CACNG8: variants seen among roughly 807,000 people sequenced by gnomAD.
The protein encoded by CACNG8 is voltage-dependent calcium channel gamma-8 subunit.
Under a neutral mutation model 26.9 loss-of-function variants are expected in CACNG8, and 5 were observed. The observed-to-expected ratio is 0.19, with a 90% CI of 0.10 to 0.39. CACNG8 has a LOEUF of 0.39. CACNG8 is among the 10% of genes least tolerant of loss of function. CACNG8 has a pLI of 1.00. For missense variants in CACNG8, 473 were observed against 609.4 expected, an observed-to-expected ratio of 0.78 and a Z score of 2.36; for synonymous variants, 321 against 296.7, an observed-to-expected ratio of 1.08 and a Z score of -0.84.
chr19:53,963,316 G>T lies in CACNG8; in HGVS notation c.174G>T (p.Thr58=), dbSNP rs756488946. The change falls in exon 1 of 4, where the codon ACG becomes ACT. Residue 58 remains threonine, a synonymous_variant. Transcript: ENST00000270458. ...TCATCTGCAACACCACCAACCTCAC[G>T]GCCGGCGGCGACGACGGGACCCCCC... The T allele has an allele frequency of 1.2e-6, 2 of 1,603,116 alleles. No individual in the cohort carries two copies. The highest frequency in any genetic ancestry group is 2.3e-5 in the East Asian group (1 of 44,252).
intron 1 of CACNG8, among the ~76,000 whole-genome samples, chr19:53,968,258 C>A (rs2145933504): frequency 6.6e-6 from 1 of 151,818 alleles, no homozygotes; most frequent in South Asian, 2.1e-4. Context: ...GCCTGTGGTC[C>A]CAGCTACTCA....
At chr19:53,964,290 T>C (rs1228585298) in intron 1 of CACNG8, among the ~76,000 whole-genome samples, 1 of 150,926 alleles carries the variant, frequency 6.6e-6, no homozygotes, top group Non-Finnish European at 1.5e-5. Flanking sequence ...TTTCCCCTTC[T>C]CTTTGGCTGC....
Position 53,983,966 on chromosome 19 carries a change from G to C in CACNG8, c.*1117G>C, listed in dbSNP as rs2069391986. 1 of 152,346 alleles carries C rather than the reference G, an allele frequency of 6.6e-6. No individual in the cohort carries two copies. 9.4% of individuals were successfully genotyped at this position (152,346 alleles called of 1,614,324 possible). ...GAGGGCCGTGGAACGGGTTTAAGCA[G>C]GACGCTAACGTGAATGGTGTACAAA... On this transcript the variant is annotated 3_prime_UTR_variant, in exon 4 of 4. Transcript: ENST00000270458.
chr19:53,988,271 A>AGTGTGTGTGTGTGTGT lies in CACNG8; in HGVS notation c.*5441_*5456dup, dbSNP rs57220250. On this transcript the variant is annotated 3_prime_UTR_variant, in exon 4 of 4. Coordinates refer to ENST00000270458, the MANE Select transcript of CACNG8 (RefSeq NM_031895.6). ...GACAGAAGGAAAGGGAATTCAGGCA[A>AGTGTGTGTGTGTGTGT]GTGTGTGTGTGTGTGTGTGTGTGTG... 1 of 144,250 alleles carries AGTGTGTGTGTGTGTGT rather than the reference A, an allele frequency of 6.9e-6. No homozygotes were observed. The highest frequency in any genetic ancestry group is 2.6e-5 in the African/African-American group (1 of 37,874). 8.9% of individuals were successfully genotyped at this position (144,250 alleles called of 1,614,324 possible).
intron 2 of CACNG8, 76 bp from the exon 3 acceptor site, chr19:53,979,791 G>C: frequency 6.8e-7 from 1 of 1,462,428 alleles, no homozygotes; most frequent in South Asian, 1.4e-5. Context: ...GAGATGGGGG[G>C]CCGGGAAGGG....
At chr19:53,973,594 A>C (rs539463015) in intron 1 of CACNG8, among the ~76,000 whole-genome samples, 6 of 152,118 alleles carry the variant, frequency 3.9e-5, no homozygotes, top group Non-Finnish European at 8.8e-5. Context: ...TGGAAGGCCG[A>C]GGCAGGAGGA....
chr19:53,975,106 G>C (rs949676158), intron 1 of CACNG8, among the ~76,000 whole-genome samples: 1 of 150,670 alleles, frequency 6.6e-6, no homozygotes, highest in Non-Finnish European at 1.5e-5. Flanking sequence ...ACACCACCAT[G>C]CCCAGCTAAT....
At chr19:53,969,769 G>T in intron 1 of CACNG8, among the ~76,000 whole-genome samples, 1 of 152,190 alleles carries the variant, frequency 6.6e-6, no homozygotes. Context: ...AGAATGTAAT[G>T]ACTGAAACAA....
intron 2 of CACNG8, among the ~76,000 whole-genome samples, chr19:53,979,479 T>G (rs574026827): frequency 6.7e-6 from 1 of 149,918 alleles, no homozygotes; most frequent in South Asian, 2.1e-4. Flanking sequence ...ATTTGCGGGA[T>G]ATGGAGAAAG....
intron 1 of CACNG8, among the ~76,000 whole-genome samples, chr19:53,966,076 A>T (rs993366944): frequency 1.4e-4 from 21 of 150,778 alleles, no homozygotes; most frequent in African/African-American, 3.9e-4. Flanking sequence ...TCTGTTTTTT[A>T]AAAATTATTT....
At position 53,982,995 on chromosome 19, in the gene CACNG8, C is replaced by T. The variant is rs2069384137; in HGVS notation, c.*146C>T. 5.1e-6 allele frequency: 2 copies of T among 392,492 alleles called. No homozygotes were observed. The highest frequency in any genetic ancestry group is 1.0e-4 in the East Asian group (2 of 19,064). 24.3% of individuals were successfully genotyped at this position (392,492 alleles called of 1,614,324 possible). On this transcript the variant is annotated 3_prime_UTR_variant, in exon 4 of 4. Coordinates refer to ENST00000270458, the MANE Select transcript of CACNG8 (RefSeq NM_031895.6). This position sits in a 1 kb window ranked among gnomAD's most constrained non-coding sequence, Gnocchi z 8.4. The stretch of plus-strand genomic sequence containing the variant: ...CCCGCCCCACGCCCACCCTCCCCGC[C>T]CCCCTCCCCCTCCGAAGCAGGGACC...
At chr19:53,978,057 G>T in intron 1 of CACNG8, 89 bp from the exon 2 acceptor site, 1 of 858,678 alleles carries the variant, frequency 1.2e-6, no homozygotes, top group Non-Finnish European at 1.9e-6. Flanking sequence ...GAAGGGGTTT[G>T]GGGAAGGGAA....
chr19:53,984,746 T>C lies in CACNG8; in HGVS notation c.*1897T>C, dbSNP rs1443610973. On this transcript the variant is annotated 3_prime_UTR_variant, in exon 4 of 4. Coordinates refer to ENST00000270458, the MANE Select transcript of CACNG8 (RefSeq NM_031895.6). ...CTGGAGTATCACTTGAGCCCAGGAG[T>C]TTGAGACCAGCCTGGATAACATGGC... is the stretch of plus-strand genomic sequence containing the variant. 6.6e-6 allele frequency: 1 copy of C among 151,018 alleles called. No individual in the cohort carries two copies. Among genetic ancestry groups the C allele is most frequent in the African/African-American group, 2.4e-5 (1 of 40,936 alleles). 9.4% of individuals were successfully genotyped at this position (151,018 alleles called of 1,614,324 possible).
At chr19:53,981,676 C>A (rs2069369356) in intron 3 of CACNG8, among the ~76,000 whole-genome samples, 1 of 152,064 alleles carries the variant, frequency 6.6e-6, no homozygotes, top group African/African-American at 2.4e-5. Flanking sequence ...GAATTTAGAC[C>A]ATCTGAGGGG....
At chr19:53,980,112 G>C in intron 3 of CACNG8, 105 bp downstream of exon 3, 1 of 1,246,488 alleles carries the variant, frequency 8.0e-7, no homozygotes, top group Non-Finnish European at 1.1e-6. Flanking sequence ...GTGCAAGTGC[G>C]CGTTCGTGTG....
intron 1 of CACNG8, 69 bp from the exon 2 acceptor site, chr19:53,978,077 G>T (rs2069340547): frequency 9.4e-7 from 1 of 1,065,782 alleles, no homozygotes; most frequent in African/African-American, 1.6e-5. Context: ...AGGGTCGGTT[G>T]TCAGTGGGGT....
chr19:53,968,766 C>CT (rs2069285318), intron 1 of CACNG8, among the ~76,000 whole-genome samples: 1 of 50,590 alleles, frequency 2.0e-5, no homozygotes, highest in African/African-American at 1.3e-4. Context: ...GAGACTCTAT[C>CT]TCAAAAAAAA....
intron 1 of CACNG8, 107 bp downstream of exon 1, chr19:53,963,532 T>TTGGGCA: frequency 8.7e-7 from 1 of 1,148,666 alleles, no homozygotes; most frequent in Non-Finnish European, 1.2e-6. Context: ...TGGGCACCCC[T>TTGGGCA]CCTCCTCTGC....
intron 1 of CACNG8, among the ~76,000 whole-genome samples, chr19:53,972,361 C>CTTTTTTTTTTTTTTTT (rs577196456): frequency 9.4e-6 from 1 of 106,288 alleles, no homozygotes; most frequent in Non-Finnish European, 1.8e-5. Context: ...TTCTTCTTTT[C>CTTTTTTTTTTTTTTTT]TTTTTTTTTT....
Sources: allele counts gnomAD v4.1 joint callset (sites outside exome capture counted in the v4.1 genomes callset), GRCh38; gene constraint gnomAD v4.1.1; non-coding constraint Gnocchi (gnomAD v3.1); transcripts MANE v1.5; gene names NCBI Gene and HGNC (gene_info 2026-07-23, HGNC 2026-07-21).